Variants in SETD2 observed in about 807,000 individuals in gnomAD.
SETD2 encodes SET domain containing 2, histone lysine methyltransferase.
In SETD2, 31 loss-of-function variants were observed where a neutral mutation model predicts 242.1. The ratio of observed to expected loss-of-function variants is 0.13; its 90% CI spans 0.10 to 0.17. SETD2 has a LOEUF of 0.17. Among genes scored for constraint, SETD2 ranks in the 10% least tolerant of loss-of-function variants. The pLI is 1.00. For synonymous variants in SETD2, 1,006 were observed against 1,066.5 expected, an observed-to-expected ratio of 0.94 and a Z score of 1.11; for missense variants, 2,481 against 3,046.3, an observed-to-expected ratio of 0.81 and a Z score of 4.37.
At position 47,122,228 on chromosome 3, in the gene SETD2, G is replaced by C. The variant is rs2106672658; in HGVS notation, c.2408C>G (p.Ser803Cys). 1 of 1,614,086 alleles carries C rather than the reference G, an allele frequency of 6.2e-7. No homozygotes were observed. Among genetic ancestry groups the C allele is most frequent in the South Asian group, 1.1e-5 (1 of 91,084 alleles). ...IYCTLNDSNP[S>C]LCNSEAENIE... ...ATTTTCAGCTTCAGAGTTACACAAA[G>C]AAGGGTTGCTATCGTTCAAAGTACA... The change falls in exon 3 of 21, where the codon TCT (serine) becomes TGT (cysteine). Residue 803 changes from serine to cysteine, a missense_variant. Ser to Cys is a moderately radical substitution (Grantham distance 112). Coordinates refer to ENST00000409792, the MANE Select transcript of SETD2 (RefSeq NM_014159.7).
intron 13 of SETD2, among the ~76,000 whole-genome samples, chr3:47,065,023 A>C (rs2040501081): frequency 6.6e-6 from 1 of 152,036 alleles, no homozygotes; most frequent in Non-Finnish European, 1.5e-5. Context: ...TAGCCACACC[A>C]GACTAGATAT....
intron 12 of SETD2, among the ~76,000 whole-genome samples, chr3:47,067,502 C>T (rs1276408174): frequency 6.7e-6 from 1 of 149,686 alleles, no homozygotes; most frequent in Non-Finnish European, 1.5e-5. Flanking sequence ...GCAACCTCTG[C>T]CTCCCAGGCA....
At chr3:47,025,440 G>C (rs1012663000) in intron 18 of SETD2, among the ~76,000 whole-genome samples, 3 of 152,114 alleles carry the variant, frequency 2.0e-5, no homozygotes, top group African/African-American at 7.2e-5. Context: ...ACATTTGACT[G>C]TCTGACTCCC....
intron 1 of SETD2, chr3:47,145,536 C>T: frequency 4.8e-6 from 2 of 417,018 alleles, no homozygotes; most frequent in Non-Finnish European, 9.9e-6. Context: ...ACTACAGGTG[C>T]ATGCCACCAT....
chr3:47,125,902 T>C (rs2043310857), intron 2 of SETD2, among the ~76,000 whole-genome samples: 1 of 152,246 alleles, frequency 6.6e-6, no homozygotes, highest in Non-Finnish European at 1.5e-5. Context: ...TAATCCACTT[T>C]GGCTATTTAA....
chr3:47,084,597 T>G (rs2041468752), intron 11 of SETD2, among the ~76,000 whole-genome samples: 2 of 152,000 alleles, frequency 1.3e-5, no homozygotes, highest in Admixed American at 6.6e-5. Context: ...GCTAATCTTT[T>G]GTATTTTTAG....
At chr3:47,091,566 C>A (rs770379301) in intron 9 of SETD2, among the ~76,000 whole-genome samples, 1 of 152,126 alleles carries the variant, frequency 6.6e-6, no homozygotes, top group Non-Finnish European at 1.5e-5. Context: ...AGTTCAAGAC[C>A]AGCCTGGCCA....
chr3:47,139,127 G>A (rs559074108), intron 1 of SETD2, among the ~76,000 whole-genome samples: 7 of 151,970 alleles, frequency 4.6e-5, no homozygotes, highest in African/African-American at 9.6e-5. Context: ...TTATAGAGAC[G>A]GGCTCACTTA....
chr3:47,154,534 C>CA (rs1485457549), intron 1 of SETD2, among the ~76,000 whole-genome samples: 2 of 151,338 alleles, frequency 1.3e-5, no homozygotes, highest in Non-Finnish European at 3.0e-5. Context: ...AAATAAAAAC[C>CA]AAAAAAAGGA....
intron 15 of SETD2, among the ~76,000 whole-genome samples, chr3:47,055,513 C>T (rs1279921128): frequency 2.0e-5 from 3 of 151,188 alleles, no homozygotes; most frequent in Admixed American, 2.0e-4. Flanking sequence ...TCAAGACCAG[C>T]CTGGGCAACA....
chr3:47,151,992 AGGTGTTCAT>A (rs1337921160), intron 1 of SETD2, among the ~76,000 whole-genome samples: 1 of 152,146 alleles, frequency 6.6e-6, no homozygotes, highest in East Asian at 1.9e-4. Flanking sequence ...AATGTGTTCA[AGGTGTTCAT>A]ATCAGCTAGT....
intron 11 of SETD2, among the ~76,000 whole-genome samples, chr3:47,084,762 G>A (rs1469347664): frequency 6.7e-6 from 1 of 150,066 alleles, no homozygotes; most frequent in African/African-American, 2.5e-5. Context: ...ATGGAGTTTC[G>A]CTCTTGTTGC....
At chr3:47,120,101 T>C (rs1249764970) in intron 3 of SETD2, 81 bp downstream of exon 3, 3 of 1,131,058 alleles carry the variant, frequency 2.7e-6, no homozygotes, top group Non-Finnish European at 3.7e-6. Flanking sequence ...TTTAATCTCA[T>C]ACAGTCTGAA....
In SETD2 at chr3:47,126,710, CAT is replaced by C. The variant is rs1388156399; in HGVS notation, c.72-49_72-48del. 49 of 1,099,248 alleles carry C rather than the reference CAT, an allele frequency of 4.5e-5. No individual in the cohort carries two copies. The East Asian group carries it at 1.2e-3, about 28-fold the overall frequency. The allele number at this position is 1,099,248 out of a possible 1,614,324, so 68.1% of individuals were successfully genotyped here. On this transcript the variant is annotated intron_variant, in intron 1 of 20. Coordinates refer to ENST00000409792, the MANE Select transcript of SETD2 (RefSeq NM_014159.7). ...AACATGCAAAAGAATAAAAAGAAAT[CAT>C]AAATACTTAAAAACGATTGAAATAA...
chr3:47,121,547 A>C lies in SETD2; in HGVS notation c.3089T>G (p.Ile1030Ser), dbSNP rs991283507. 1 of 1,614,114 alleles carries C rather than the reference A, an allele frequency of 6.2e-7. No homozygotes were observed. The highest frequency in any genetic ancestry group is 1.3e-5 in the African/African-American group (1 of 75,044). ...KCDSSGHAPE[I>S]VSTVHEDYSG... is the part of the protein sequence containing the mutation. ...ATAATCTTCATGAACTGTAGACACAATTTCTGGGGCATGACCACTACTGTC... is the reference window on the plus strand; with the variant it reads ...ATAATCTTCATGAACTGTAGACACACTTTCTGGGGCATGACCACTACTGTC... Residue 1030 changes from isoleucine (I) to serine (S), a missense_variant, in exon 3 of 21, where the codon ATT (isoleucine) becomes AGT (serine). By Grantham distance (142) the Ile-to-Ser change is moderately radical. Around this residue, in one of 17 missense-constraint regions of SETD2, gnomAD observed 1,300 missense variants for 1,259.2 expected, o/e 1.03. Coordinates refer to ENST00000409792, the MANE Select transcript of SETD2 (RefSeq NM_014159.7).
chr3:47,041,636 TACACAC>T (rs562296562), intron 17 of SETD2, among the ~76,000 whole-genome samples: 1 of 151,022 alleles, frequency 6.6e-6, no homozygotes, highest in African/African-American at 2.4e-5. Flanking sequence ...GGTGTATATA[TACACAC>T]ACACACACAC....
intron 9 of SETD2, among the ~76,000 whole-genome samples, chr3:47,096,671 C>T (rs1257644985): frequency 6.6e-6 from 1 of 151,704 alleles, no homozygotes; most frequent in Non-Finnish European, 1.5e-5. Context: ...TCACTTGAGC[C>T]AGGAGTTCAA....
intron 1 of SETD2, among the ~76,000 whole-genome samples, chr3:47,128,617 C>T (rs997023428): frequency 6.6e-6 from 1 of 152,134 alleles, no homozygotes; most frequent in Non-Finnish European, 1.5e-5. Flanking sequence ...GCTGATAATA[C>T]ATGAATGAGA....
Position 47,123,993 on chromosome 3 carries a change from G to C in SETD2, c.643C>G (p.Pro215Ala), listed in dbSNP as rs748715138. ...PAPVTEPVALPHTPITVLMAA... is the reference protein window; with the variant it reads ...PAPVTEPVALAHTPITVLMAA... ...ATTAGAACTGTTATTGGTGTATGTGGCAAGGCCACTGGCTCTGTTACTGGT... is the reference window on the plus strand; with the variant it reads ...ATTAGAACTGTTATTGGTGTATGTGCCAAGGCCACTGGCTCTGTTACTGGT... The change falls in exon 3 of 21, where the codon CCA becomes GCA. Residue 215 changes from proline (P) to alanine (A), a missense_variant. This residue lies in a region of SETD2 where 334 missense variants were observed against 374.5 expected (regional missense o/e 0.89). Coordinates refer to ENST00000409792, the MANE Select transcript of SETD2 (RefSeq NM_014159.7). 6.4e-7 allele frequency: 1 copy of C among 1,552,178 alleles called. No individual in the cohort carries two copies. Among genetic ancestry groups the C allele is most frequent in the Non-Finnish European group, 8.7e-7 (1 of 1,146,984 alleles).
Sources: allele counts gnomAD v4.1 joint callset (sites outside exome capture counted in the v4.1 genomes callset), GRCh38; gene constraint gnomAD v4.1.1; regional missense constraint gnomAD v4.1.1; transcripts MANE v1.5; gene names NCBI Gene and HGNC (gene_info 2026-07-23, HGNC 2026-07-21).